The following TBL3 variants were observed in gnomAD, a reference collection of about 807,000 sequenced individuals.
The protein encoded by TBL3 is transducin beta-like protein 3.
In TBL3, 71 loss-of-function variants were observed where a neutral mutation model predicts 102.7. The observed-to-expected ratio is 0.69, with a 90% CI of 0.57 to 0.84. The LOEUF is 0.84. TBL3 is among the 40% of genes least tolerant of loss of function. TBL3 has a pLI of 0.00. For synonymous variants in TBL3, 578 were observed against 477.7 expected, an observed-to-expected ratio of 1.21 and a Z score of -2.74; for missense variants, 1,188 against 1,098.5, an observed-to-expected ratio of 1.08 and a Z score of -1.15.
chr16:1,974,712 A>G, intron 5 of TBL3, 33 bp downstream of exon 5: 1 of 1,611,930 alleles, frequency 6.2e-7, no homozygotes, highest in African/African-American at 1.3e-5. Flanking sequence ...GGTCGTGGGC[A>G]CAGATGCAGG....
In TBL3 at chr16:1,979,443, C is replaced by A. The variant is rs772462889; in HGVS notation, c.*758C>A. 24 of 1,610,338 alleles carry A rather than the reference C, an allele frequency of 1.5e-5. No homozygotes were observed. Among genetic ancestry groups the A allele is most frequent in the Non-Finnish European group, 2.5e-6 (3 of 1,179,240 alleles). On this transcript the variant is annotated 3_prime_UTR_variant, in exon 22 of 22. Transcript: ENST00000568546. ...CGCGTACCTGCATAGCCACCAGCCG[C>A]GGTCTGACGTTTCCAACACGCGCAC...
rs765770464 is a variant in TBL3, at chr16:1,975,052, G to A, written c.589G>A (p.Ala197Thr). 8.7e-6 allele frequency: 14 copies of A among 1,607,908 alleles called. No homozygotes were observed. Among genetic ancestry groups the A allele is most frequent in the South Asian group, 5.5e-5 (5 of 91,080 alleles). ...GGCTGTGCTGACTGCCCACTACAGCGCCGTCACCTCACTGGCCTTCAGCGC... is the reference window on the plus strand; with the variant it reads ...GGCTGTGCTGACTGCCCACTACAGCACCGTCACCTCACTGGCCTTCAGCGC... ...CLAVLTAHYS[A>T]VTSLAFSADG... Residue 197 changes from alanine (A) to threonine (T), a missense_variant, in exon 7 of 22, where the codon GCC becomes ACC. By Grantham distance (58) the Ala-to-Thr change is moderately conservative. Coordinates refer to ENST00000568546, the MANE Select transcript of TBL3 (RefSeq NM_006453.3).
rs969876883 is a variant in TBL3 at position 1,981,896 on chromosome 16, C to T, written c.*3211C>T. The T allele has an allele frequency of 6.6e-6, 1 of 152,296 alleles. No individual in the cohort carries two copies. Among genetic ancestry groups the T allele is most frequent in the African/African-American group, 2.4e-5 (1 of 41,428 alleles). 9.4% of individuals were successfully genotyped at this position (152,296 alleles called of 1,614,324 possible). A position where few individuals can be genotyped will look rare whatever the true frequency, so the allele number is the denominator to read the frequency against. On this transcript the variant is annotated 3_prime_UTR_variant, in exon 22 of 22. Transcript: ENST00000568546. ...TTGGGGTAGGAGAAAGAGGGCCCAT[C>T]TGTGCAGTCACTGGCATTTGGTGGG...
In TBL3 at chr16:1,979,959, G is replaced by A; in HGVS notation, c.*1274G>A. 6.3e-7 allele frequency: 1 copy of A among 1,584,430 alleles called. No homozygotes were observed. The highest frequency in any genetic ancestry group is 8.6e-7 in the Non-Finnish European group (1 of 1,165,756). On this transcript the variant is annotated 3_prime_UTR_variant, in exon 22 of 22. Coordinates refer to ENST00000568546, the MANE Select transcript of TBL3 (RefSeq NM_006453.3). ...TCTCGAGGCTCCCTCGGGTCCAGGA[G>A]CAGAGGAGCAAATCCCTGGGTTCTT...
chr16:1,974,013 G>A (rs755229759), intron 1 of TBL3, 43 bp from the exon 2 acceptor site: 53 of 1,508,954 alleles, frequency 3.5e-5, no homozygotes, highest in Middle Eastern at 2.0e-4. Flanking sequence ...CCTGGGGACT[G>A]AGGGGGTGGG....
At chr16:1,977,485 C>T (rs1376988697) in intron 16 of TBL3, 29 bp from the exon 17 acceptor site, 38 of 1,608,818 alleles carry the variant, frequency 2.4e-5, no homozygotes, top group Non-Finnish European at 2.7e-5. Context: ...ACCTGCCTGA[C>T]GCTGAGCCTC....
rs751292836 is a variant in TBL3, at chr16:1,978,369, G to A, written c.2191G>A (p.Ala731Thr). 2 of 1,611,110 alleles carry A rather than the reference G, an allele frequency of 1.2e-6. No individual in the cohort carries two copies. The highest frequency in any genetic ancestry group is 1.3e-5 in the African/African-American group (1 of 74,884). The change falls in exon 21 of 22, where the codon GCC (alanine) becomes ACC (threonine). Residue 731 changes from alanine (A) to threonine (T), a missense_variant. Physicochemically the swap from Ala to Thr is moderately conservative, Grantham distance 58 (BLOSUM62 0). Transcript: ENST00000568546. The part of the protein sequence containing the change: ...WNTNSRHCHE[A>T]QAVLGVLLRR... ...CACCAACTCGCGGCACTGCCACGAG[G>A]CCCAGGCCGTGCTGGGTGTGCTCTT...
In TBL3 at chr16:1,972,112, C is replaced by T. The variant is rs933884727; in HGVS notation, c.-53C>T. The T allele has an allele frequency of 1.0e-5, 15 of 1,463,904 alleles. No individual in the cohort carries two copies. The highest frequency in any genetic ancestry group is 4.4e-5 in the African/African-American group (3 of 67,430). The allele number at this position is 1,463,904 out of a possible 1,614,324, so 90.7% of individuals were successfully genotyped here. On this transcript the variant is annotated 5_prime_UTR_variant, in exon 1 of 22. Coordinates refer to ENST00000568546, the MANE Select transcript of TBL3 (RefSeq NM_006453.3). ...TTCGGTGCTAACCTCCCTCACGCGG[C>T]GGTGGCTGCCGGGACCCTAGCAGGT...
rs1597052480 is a variant in TBL3, at chr16:1,978,910, G to A, written c.*225G>A. 1 of 1,105,342 alleles carries A rather than the reference G, an allele frequency of 9.0e-7. No homozygotes were observed. Among genetic ancestry groups the A allele is most frequent in the Non-Finnish European group, 1.3e-6 (1 of 783,112 alleles). 68.5% of individuals were successfully genotyped at this position (1,105,342 alleles called of 1,614,324 possible). A position where few individuals can be genotyped will look rare whatever the true frequency, so the allele number is the denominator to read the frequency against. ...GCCCGCGGCTCCGCACGCTTAGACG[G>A]TGGGGGTCATGCAGAACAAGCTTTA... On this transcript the variant is annotated 3_prime_UTR_variant, in exon 22 of 22. Transcript: ENST00000568546.
chr16:1,976,370 C>T, intron 13 of TBL3, 56 bp downstream of exon 13: 3 of 1,473,754 alleles, frequency 2.0e-6, no homozygotes, highest in South Asian at 1.2e-5. Flanking sequence ...CCAGGCCTGC[C>T]AGCAGGGCTG....
Position 1,979,630 on chromosome 16 carries a change from C to G in TBL3, c.*945C>G. ...TTCTCCACATTCTCCTTGCTTGAGTCTGCTGACGGCGGGGCCGCTCTAAGA... is the reference window on the plus strand; with the variant it reads ...TTCTCCACATTCTCCTTGCTTGAGTGTGCTGACGGCGGGGCCGCTCTAAGA... On this transcript the variant is annotated 3_prime_UTR_variant, in exon 22 of 22. Transcript: ENST00000568546. 7.5e-7 allele frequency: 1 copy of G among 1,340,300 alleles called. No individual in the cohort carries two copies. The highest frequency in any genetic ancestry group is 2.3e-5 in the East Asian group (1 of 42,714). The allele number at this position is 1,340,300 out of a possible 1,614,324, so 83.0% of individuals were successfully genotyped here.
Position 1,976,083 on chromosome 16 carries a change from G to A in TBL3, c.1157G>A (p.Arg386Gln), listed in dbSNP as rs370056434. Reference sequence around the variant, plus strand: ...ATCGTCCTGGCCCTGGATGTGTTCCGGAAGGGGTGGCTCTTTGCCAGCTGT... The same window carrying A: ...ATCGTCCTGGCCCTGGATGTGTTCCAGAAGGGGTGGCTCTTTGCCAGCTGT... ...TDIVLALDVF[R>Q]KGWLFASCAK... The change falls in exon 12 of 22, where the codon CGG (arginine) becomes CAG (glutamine). Residue 386 changes from arginine (R) to glutamine (Q), a missense_variant. Coordinates refer to ENST00000568546, the MANE Select transcript of TBL3 (RefSeq NM_006453.3). The A allele has an allele frequency of 5.0e-5, 80 of 1,614,080 alleles. No homozygotes were observed. In the East Asian group the frequency reaches 5.1e-4, roughly 10 times the overall value.
Position 1,972,658 on chromosome 16 carries a change from C to T in TBL3, c.41+453C>T, listed in dbSNP as rs149255210. ...GCAGAAGCCCAGGAGGCCCTGAGTGCTGTGCCCCGTCACTCCCCAAGCCTT... is the reference window on the plus strand; with the variant it reads ...GCAGAAGCCCAGGAGGCCCTGAGTGTTGTGCCCCGTCACTCCCCAAGCCTT... On this transcript the variant is annotated intron_variant, in intron 1 of 21. Transcript: ENST00000568546. Among the ~76,000 whole-genome samples the T allele has an allele frequency of 7.9e-3, 1,198 of 152,316 alleles. 20 individuals are homozygous for T. Among genetic ancestry groups the T allele is most frequent in the African/African-American group, 0.026 (1,080 of 41,558 alleles).
Position 1,978,842 on chromosome 16 carries a change from G to T in TBL3, c.*157G>T. The T allele has an allele frequency of 8.7e-7, 1 of 1,150,810 alleles. No individual in the cohort carries two copies. The highest frequency in any genetic ancestry group is 1.2e-6 in the Non-Finnish European group (1 of 822,032). The allele number at this position is 1,150,810 out of a possible 1,614,324, so 71.3% of individuals were successfully genotyped here. ...AAGGGCACTGGAGCTGATGGTCTCG[G>T]CCCTGCCACGCCCATCCCGCACCCT... On this transcript the variant is annotated 3_prime_UTR_variant, in exon 22 of 22. Transcript: ENST00000568546.
chr16:1,978,649 C>G lies in TBL3; in HGVS notation c.2391C>G (p.Pro797=). The G allele has an allele frequency of 6.2e-7, 1 of 1,612,618 alleles. No homozygotes were observed. The part of the protein sequence containing the change: ...NMKLPVPAAA[P]TPWETHKGAL... ...AGCTCCCTGTGCCGGCCGCCGCCCC[C>G]ACCCCCTGGGAAACCCATAAAGGCG... Residue 797 remains proline, a synonymous_variant, in exon 22 of 22, where the codon CCC becomes CCG. Transcript: ENST00000568546.
In TBL3 at chr16:1,976,219, C is replaced by A; in HGVS notation, c.1197C>A (p.Ser399Arg). The part of the protein sequence containing the change: ...WLFASCAKDQ[S>R]VRIWRMNKAG... Reference sequence around the variant, plus strand: ...CAACTCCCTGTCCCCAGGATCAGAGCGTCCGTATCTGGAGAATGAACAAGG... The same window carrying A: ...CAACTCCCTGTCCCCAGGATCAGAGAGTCCGTATCTGGAGAATGAACAAGG... Residue 399 changes from serine (S) to arginine (R), a missense_variant, in exon 13 of 22, where the codon AGC becomes AGA. Coordinates refer to ENST00000568546, the MANE Select transcript of TBL3 (RefSeq NM_006453.3). 1 of 1,614,174 alleles carries A rather than the reference C, an allele frequency of 6.2e-7. No individual in the cohort carries two copies.
In TBL3 at chr16:1,972,213, C is replaced by T. The variant is rs1332096234; in HGVS notation, c.41+8C>T. On this transcript the variant is annotated splice_region_variant and intron_variant, in intron 1 of 21. Transcript: ENST00000568546. ...GGGCCGCTTCAAGACCAAGTGAGCC[C>T]GGAGCTCTGGGGCCGTGCGGGGAGG... 3.6e-6 allele frequency: 5 copies of T among 1,393,110 alleles called. No individual in the cohort carries two copies. Among genetic ancestry groups the T allele is most frequent in the South Asian group, 3.2e-5 (2 of 63,164 alleles). The allele number at this position is 1,393,110 out of a possible 1,614,324, so 86.3% of individuals were successfully genotyped here.
chr16:1,975,050 G>C lies in TBL3; in HGVS notation c.587G>C (p.Ser196Thr). 6.2e-7 allele frequency: 1 copy of C among 1,607,950 alleles called. No individual in the cohort carries two copies. The highest frequency in any genetic ancestry group is 1.7e-4 in the Middle Eastern group (1 of 6,060). The change falls in exon 7 of 22, where the codon AGC becomes ACC. Residue 196 changes from serine to threonine, a missense_variant. Coordinates refer to ENST00000568546, the MANE Select transcript of TBL3 (RefSeq NM_006453.3). Reference sequence around the variant, plus strand: ...CTGGCTGTGCTGACTGCCCACTACAGCGCCGTCACCTCACTGGCCTTCAGC... The same window carrying C: ...CTGGCTGTGCTGACTGCCCACTACACCGCCGTCACCTCACTGGCCTTCAGC... ...SCLAVLTAHY[S>T]AVTSLAFSAD... is the part of the protein sequence containing the mutation.
In TBL3 at chr16:1,979,463, G is replaced by A; in HGVS notation, c.*778G>A. 1 of 1,611,464 alleles carries A rather than the reference G, an allele frequency of 6.2e-7. No individual in the cohort carries two copies. Among genetic ancestry groups the A allele is most frequent in the Non-Finnish European group, 8.5e-7 (1 of 1,179,458 alleles). On this transcript the variant is annotated 3_prime_UTR_variant, in exon 22 of 22. Coordinates refer to ENST00000568546, the MANE Select transcript of TBL3 (RefSeq NM_006453.3). ...AGCCGCGGTCTGACGTTTCCAACACGCGCACGCGCGCCCCCGCGGGCACGG... is the reference window on the plus strand; with the variant it reads ...AGCCGCGGTCTGACGTTTCCAACACACGCACGCGCGCCCCCGCGGGCACGG...
Sources: allele counts gnomAD v4.1 joint callset (sites outside exome capture counted in the v4.1 genomes callset), GRCh38; gene constraint gnomAD v4.1.1; transcripts MANE v1.5; gene names NCBI Gene and HGNC (gene_info 2026-07-23, HGNC 2026-07-21).